The following NAALADL2 variants were observed in gnomAD, a reference collection of about 807,000 sequenced individuals.
The protein encoded by NAALADL2 is inactive N-acetylated-alpha-linked acidic dipeptidase-like protein 2.
A neutral mutation model predicts 87.2 loss-of-function variants in NAALADL2; 76 were observed. The observed-to-expected ratio is 0.87, with a 90% CI of 0.72 to 1.05. The LOEUF (loss-of-function observed/expected upper bound fraction) is 1.05. NAALADL2 is among the 50% of genes least tolerant of loss of function. NAALADL2 has a pLI of 0.00. For synonymous variants in NAALADL2, 354 were observed against 331.0 expected (o/e 1.07, Z -0.75); for missense variants, 1,089 against 945.8 (o/e 1.15, Z -1.99).
chr3:175,328,812 C>T (rs141191761), intron 5 of NAALADL2, among the ~76,000 whole-genome samples: 1 of 151,802 alleles, frequency 6.6e-6, no homozygotes, highest in East Asian at 1.9e-4. Context: ...TAGGGTAAGA[C>T]CCAAAACAAA....
At chr3:174,683,958 T>C (rs978342348) in intron 2 of NAALADL2, among the ~76,000 whole-genome samples, 5 of 152,020 alleles carry the variant, frequency 3.3e-5, no homozygotes, top group African/African-American at 1.2e-4. Context: ...TTTATATTCA[T>C]TTAATTTTTA....
intron 2 of NAALADL2, among the ~76,000 whole-genome samples, chr3:175,190,216 A>G (rs1056947235): frequency 3.9e-5 from 6 of 152,094 alleles, no homozygotes; most frequent in Non-Finnish European, 7.4e-5. Flanking sequence ...ATAGTACTAC[A>G]TCAAAGTAAA....
chr3:175,006,869 G>A lies in NAALADL2; in HGVS notation c.44-89921G>A, dbSNP rs187173351. On this transcript the variant is annotated intron_variant, in intron 1 of 13. Coordinates refer to ENST00000454872, the MANE Select transcript of NAALADL2 (RefSeq NM_207015.3). ...CCTTTTCTTTTTGGATGTTGTGAGCGTATGACTTATGCATTCTTATACGTA... is the reference window on the plus strand; with the variant it reads ...CCTTTTCTTTTTGGATGTTGTGAGCATATGACTTATGCATTCTTATACGTA... 6.0e-5 allele frequency among the ~76,000 whole-genome samples: 9 copies of A among 151,066 alleles called. 1 individual carries two copies. The East Asian group carries it at 9.7e-4, about 16-fold the overall frequency.
chr3:175,106,790 C>G (rs959807683), intron 2 of NAALADL2, among the ~76,000 whole-genome samples: 1 of 152,040 alleles, frequency 6.6e-6, no homozygotes, highest in Non-Finnish European at 1.5e-5. Flanking sequence ...CTAATCCATG[C>G]TTTAGAAATT....
intron 10 of NAALADL2, among the ~76,000 whole-genome samples, chr3:175,580,705 G>A (rs1233280001): frequency 6.6e-6 from 1 of 152,034 alleles, no homozygotes. Context: ...AGATGAAAAG[G>A]GGTTCATTGG....
chr3:175,661,270 A>G (rs567750527), intron 11 of NAALADL2, among the ~76,000 whole-genome samples: 1 of 150,414 alleles, frequency 6.6e-6, no homozygotes, highest in Non-Finnish European at 1.5e-5. Context: ...TTATTTTCAG[A>G]TTCCTGTTGA....
At chr3:175,344,667 C>T (rs1762941931) in intron 5 of NAALADL2, among the ~76,000 whole-genome samples, 1 of 151,800 alleles carries the variant, frequency 6.6e-6, no homozygotes, top group African/African-American at 2.4e-5. Context: ...AGCACTGTTC[C>T]CTGCCTTATC....
chr3:174,897,681 A>G (rs1216102803), intron 1 of NAALADL2, among the ~76,000 whole-genome samples: 12 of 152,158 alleles, frequency 7.9e-5, no homozygotes, highest in East Asian at 1.9e-4. Context: ...TACCCAAAAT[A>G]AAGGAAATCA....
intron 11 of NAALADL2, 96 bp from the exon 12 acceptor site, chr3:175,737,210 C>G: frequency 1.4e-6 from 1 of 738,510 alleles, no homozygotes; most frequent in Non-Finnish European, 2.4e-6. Flanking sequence ...TTTTGCTGCT[C>G]TAGATGTATA....
intron 2 of NAALADL2, among the ~76,000 whole-genome samples, chr3:175,204,098 A>G (rs949483646): frequency 6.6e-6 from 1 of 152,198 alleles, no homozygotes; most frequent in Admixed American, 6.5e-5. Flanking sequence ...CATTCTGTGA[A>G]GCCAGCATCA....
intron 1 of NAALADL2, among the ~76,000 whole-genome samples, chr3:175,047,325 A>G (rs1234168135): frequency 6.6e-6 from 1 of 152,172 alleles, no homozygotes; most frequent in Admixed American, 6.5e-5. Flanking sequence ...ATGACAAAAA[A>G]CATGTATTTC....
At chr3:175,676,167 T>G (rs1457728046) in intron 11 of NAALADL2, 1 of 152,186 alleles carries the variant, frequency 6.6e-6, no homozygotes, top group Non-Finnish European at 1.5e-5. Flanking sequence ...GCAATACATA[T>G]TTCCATCTCT....
At chr3:175,014,426 T>C (rs1750554489) in intron 1 of NAALADL2, among the ~76,000 whole-genome samples, 1 of 152,180 alleles carries the variant, frequency 6.6e-6, no homozygotes, top group African/African-American at 2.4e-5. Flanking sequence ...TGCTTCATAT[T>C]GTCTGACTGC....
chr3:175,697,828 T>C (rs1738096911), intron 11 of NAALADL2, among the ~76,000 whole-genome samples: 1 of 102,254 alleles, frequency 9.8e-6, no homozygotes, highest in Admixed American at 9.2e-5. Flanking sequence ...TATACATATA[T>C]ATGTGTATTT....
At chr3:175,002,338 T>C (rs531229735) in intron 1 of NAALADL2, among the ~76,000 whole-genome samples, 2 of 152,254 alleles carry the variant, frequency 1.3e-5, no homozygotes, top group African/African-American at 4.8e-5. Context: ...AAGATTATAT[T>C]GTTCGAATGA....
At chr3:175,573,822 G>C (rs1415830050) in intron 9 of NAALADL2, among the ~76,000 whole-genome samples, 1 of 152,102 alleles carries the variant, frequency 6.6e-6, no homozygotes, top group South Asian at 2.1e-4. Context: ...AATTGCTGGT[G>C]GGGGGTGGGG....
At chr3:175,703,412 T>G (rs1368112050) in intron 11 of NAALADL2, among the ~76,000 whole-genome samples, 1 of 152,194 alleles carries the variant, frequency 6.6e-6, no homozygotes, top group South Asian at 2.1e-4. Context: ...TGTACTATAA[T>G]TAATGTTTTC....
chr3:175,436,263 G>A (rs1485357195), intron 5 of NAALADL2, among the ~76,000 whole-genome samples: 1 of 145,126 alleles, frequency 6.9e-6, no homozygotes, highest in East Asian at 2.1e-4. Context: ...TTGGACATTT[G>A]GGTTGGTTCC....
intron 11 of NAALADL2, among the ~76,000 whole-genome samples, chr3:175,692,867 A>G (rs1238260484): frequency 6.6e-6 from 1 of 152,194 alleles, no homozygotes; most frequent in African/African-American, 2.4e-5. Flanking sequence ...GGAGAGGGGT[A>G]TAAATTCAAG....
Sources: gnomAD v4.1 joint callset for allele counts (sites outside exome capture counted in the v4.1 genomes callset) on GRCh38, gnomAD v4.1.1 for gene constraint, MANE v1.5 for transcripts, NCBI Gene and HGNC (gene_info 2026-07-23, HGNC 2026-07-21) for gene names.